Variants in HS3ST4 observed in about 807,000 individuals in gnomAD.
The protein encoded by HS3ST4 is heparan sulfate glucosamine 3-O-sulfotransferase 4.
Under a neutral mutation model 29.2 loss-of-function variants are expected in HS3ST4, and 17 were observed. The observed-to-expected ratio is 0.58, with a 90% CI of 0.40 to 0.87. HS3ST4 has a LOEUF of 0.87. Ranked by LOEUF, HS3ST4 falls within the 40% of genes least tolerant of loss-of-function variation. The pLI, the probability that HS3ST4 is intolerant of heterozygous loss-of-function variation, is 0.00. For synonymous variants in HS3ST4, 314 were observed against 285.7 expected (o/e 1.10, Z -1.00); for missense variants, 627 against 634.5 (o/e 0.99, Z 0.13).
At chr16:25,696,004 C>G (rs1966293487) in intron 1 of HS3ST4, among the ~76,000 whole-genome samples, 1 of 152,146 alleles carries the variant, frequency 6.6e-6, no homozygotes, top group African/African-American at 2.4e-5. Context: ...AGTGTCACTC[C>G]AGTTATCTCT....
chr16:26,009,572 C>T (rs1400880754), intron 1 of HS3ST4, among the ~76,000 whole-genome samples: 3 of 152,280 alleles, frequency 2.0e-5, no homozygotes, highest in South Asian at 4.1e-4. Context: ...GCAATAAGCT[C>T]GAGCTTCTGC....
chr16:25,899,027 C>T lies in HS3ST4; in HGVS notation c.734+205876C>T, dbSNP rs537734161. On this transcript the variant is annotated intron_variant, in intron 1 of 1. Coordinates refer to ENST00000331351, the MANE Select transcript of HS3ST4 (RefSeq NM_006040.3). ...TTCACTGTCTAGATGTCTTTCACAC[C>T]GTGGCACAGTTACTTTTTCTACCAA... Among the ~76,000 whole-genome samples the T allele has an allele frequency of 5.3e-5, 8 of 152,308 alleles. No individual in the cohort carries two copies. In the South Asian group the frequency reaches 1.0e-3, roughly 20 times the overall value.
intron 1 of HS3ST4, among the ~76,000 whole-genome samples, chr16:25,776,458 G>T (rs2141613143): frequency 6.6e-6 from 1 of 152,224 alleles, no homozygotes; most frequent in South Asian, 2.1e-4. Flanking sequence ...ACTTTGAGTT[G>T]TCCTGTTTTT....
intron 1 of HS3ST4, among the ~76,000 whole-genome samples, chr16:26,074,758 A>G (rs1289510729): frequency 1.3e-5 from 2 of 152,108 alleles, no homozygotes; most frequent in Non-Finnish European, 2.9e-5. Flanking sequence ...TGACTTTCTA[A>G]TTTTATCTCC....
At chr16:26,026,801 A>G (rs1969480166) in intron 1 of HS3ST4, among the ~76,000 whole-genome samples, 1 of 152,308 alleles carries the variant, frequency 6.6e-6, no homozygotes, top group Admixed American at 6.5e-5. Flanking sequence ...GTCTGATATG[A>G]GAAATGGCAC....
intron 1 of HS3ST4, among the ~76,000 whole-genome samples, chr16:25,976,213 A>G (rs1351427967): frequency 6.6e-6 from 1 of 152,180 alleles, no homozygotes; most frequent in Non-Finnish European, 1.5e-5. Context: ...TTCTTTTATT[A>G]CAAGTGTCTC....
intron 1 of HS3ST4, among the ~76,000 whole-genome samples, chr16:25,726,984 C>T (rs1596554173): frequency 1.3e-5 from 2 of 151,596 alleles, no homozygotes; most frequent in African/African-American, 2.4e-5. Context: ...ATTCGGCAAC[C>T]CCACATGGCA....
At chr16:26,055,791 T>A (rs546506922) in intron 1 of HS3ST4, among the ~76,000 whole-genome samples, 4 of 152,150 alleles carry the variant, frequency 2.6e-5, no homozygotes, top group Non-Finnish European at 5.9e-5. Flanking sequence ...TATGCTGATA[T>A]ATTGTAGCTC....
intron 1 of HS3ST4, among the ~76,000 whole-genome samples, chr16:26,025,086 T>C (rs780869076): frequency 1.3e-5 from 2 of 152,164 alleles, no homozygotes; most frequent in Non-Finnish European, 2.9e-5. Flanking sequence ...TGGGTACATG[T>C]TGCTTTTATA....
intron 1 of HS3ST4, among the ~76,000 whole-genome samples, chr16:26,101,766 G>A (rs1898992612): frequency 6.6e-6 from 1 of 152,106 alleles, no homozygotes; most frequent in Non-Finnish European, 1.5e-5. Flanking sequence ...TGAATAGATG[G>A]ATGGATGAAT....
At chr16:25,734,109 T>G (rs1349832169) in intron 1 of HS3ST4, among the ~76,000 whole-genome samples, 1 of 152,084 alleles carries the variant, frequency 6.6e-6, no homozygotes, top group African/African-American at 2.4e-5. Flanking sequence ...AGAGCGAGAC[T>G]CCGTCTCAAA....
intron 1 of HS3ST4, among the ~76,000 whole-genome samples, chr16:25,765,097 AGTCT>A (rs1966809534): frequency 6.6e-6 from 1 of 152,198 alleles, no homozygotes; most frequent in Non-Finnish European, 1.5e-5. Context: ...GCGGAGGGAG[AGTCT>A]GTGTGAAGCA....
intron 1 of HS3ST4, among the ~76,000 whole-genome samples, chr16:26,076,020 TCTTCAAC>T (rs1898658574): frequency 6.6e-6 from 1 of 152,164 alleles, no homozygotes; most frequent in African/African-American, 2.4e-5. Context: ...AAAATAACTC[TCTTCAAC>T]CTTCACCACT....
intron 1 of HS3ST4, among the ~76,000 whole-genome samples, chr16:26,082,978 G>A (rs761545120): frequency 9.6e-4 from 147 of 152,346 alleles, no homozygotes; most frequent in Non-Finnish European, 1.6e-3. Context: ...CGTAAGAATG[G>A]GATGGGATAA....
chr16:25,942,551 A>G (rs1968582111), intron 1 of HS3ST4, among the ~76,000 whole-genome samples: 1 of 150,068 alleles, frequency 6.7e-6, no homozygotes, highest in Non-Finnish European at 1.5e-5. Flanking sequence ...TCATAGAATT[A>G]TTTCCTTAGG....
At chr16:25,833,909 A>G (rs572392188) in intron 1 of HS3ST4, among the ~76,000 whole-genome samples, 2 of 152,342 alleles carry the variant, frequency 1.3e-5, no homozygotes, top group Admixed American at 1.3e-4. Flanking sequence ...GAGAATCCAG[A>G]TAACTGGCTA....
chr16:25,831,678 G>C (rs1967302567), intron 1 of HS3ST4, among the ~76,000 whole-genome samples: 1 of 152,046 alleles, frequency 6.6e-6, no homozygotes, highest in Admixed American at 6.5e-5. Context: ...AAGAACATGG[G>C]CCCTGTCTGT....
intron 1 of HS3ST4, among the ~76,000 whole-genome samples, chr16:26,026,657 C>T (rs1969477207): frequency 6.6e-6 from 1 of 152,068 alleles, no homozygotes; most frequent in African/African-American, 2.4e-5. Context: ...GAAACCTTTC[C>T]CAGAAGCTCC....
intron 1 of HS3ST4, among the ~76,000 whole-genome samples, chr16:26,083,903 C>A (rs1351655925): frequency 6.6e-6 from 1 of 151,976 alleles, no homozygotes; most frequent in Non-Finnish European, 1.5e-5. Flanking sequence ...TGAAAGAAGC[C>A]CAAAGCAGCC....
Sources: allele counts gnomAD v4.1 joint callset (sites outside exome capture counted in the v4.1 genomes callset), GRCh38; gene constraint gnomAD v4.1.1; transcripts MANE v1.5; gene names NCBI Gene and HGNC (gene_info 2026-07-23, HGNC 2026-07-21).